Variants in TENM2 observed in about 807,000 individuals in gnomAD.
The protein encoded by TENM2 is teneurin-2.
In TENM2, 52 loss-of-function variants were observed where a neutral mutation model predicts 245.2. The observed-to-expected ratio is 0.21, with a 90% CI of 0.17 to 0.27. TENM2 has a LOEUF of 0.27. TENM2 is among the 10% of genes least tolerant of loss of function. The pLI is 1.00. For missense variants in TENM2, 3,046 were observed against 3,666.8 expected (o/e 0.83, Z 4.37); for synonymous variants, 1,363 against 1,438.9 (o/e 0.95, Z 1.19).
the TENM2 span, among the ~76,000 whole-genome samples, chr5:167,179,583 C>A: frequency 1.3e-5 from 2 of 152,070 alleles, no homozygotes. Flanking sequence ...GAGCCCCACC[C>A]CCGCAACCCC....
chr5:168,179,675 G>A (rs66482664), intron 13 of TENM2, among the ~76,000 whole-genome samples: 14,439 of 152,138 alleles, frequency 0.095, 1,083 homozygotes, highest in African/African-American at 0.21. Context: ...GTAGGATTTC[G>A]TTCCAGAGTG....
chr5:167,665,055 G>A (rs1006555477), intron 2 of TENM2, among the ~76,000 whole-genome samples: 3 of 152,160 alleles, frequency 2.0e-5, no homozygotes, highest in African/African-American at 7.2e-5. Flanking sequence ...GAATACAGTA[G>A]AGTGATACTG....
At chr5:167,315,621 GGAT>G (rs1367703310) in intron 1 of TENM2, among the ~76,000 whole-genome samples, 5 of 152,028 alleles carry the variant, frequency 3.3e-5, no homozygotes, top group Non-Finnish European at 7.4e-5. Context: ...GGTATAGTGA[GGAT>G]GATTTTTTTC....
the TENM2 span, among the ~76,000 whole-genome samples, chr5:167,097,588 C>T: frequency 6.6e-6 from 1 of 152,082 alleles, no homozygotes; most frequent in African/African-American, 2.4e-5. Flanking sequence ...TAATTAAAAT[C>T]GGATGTTTGT....
chr5:167,467,585 C>T (rs1766748132), intron 2 of TENM2, among the ~76,000 whole-genome samples: 1 of 150,636 alleles, frequency 6.6e-6, no homozygotes, highest in Non-Finnish European at 1.5e-5. Context: ...TTAAATTATC[C>T]CACATAGAAG....
chr5:167,996,185 C>G (rs1216070098), intron 5 of TENM2, among the ~76,000 whole-genome samples: 2 of 152,090 alleles, frequency 1.3e-5, no homozygotes, highest in African/African-American at 4.8e-5. Flanking sequence ...TTCCATAGAT[C>G]CAGGCCCGTG....
At chr5:167,405,025 A>G (rs1762555380) in intron 2 of TENM2, among the ~76,000 whole-genome samples, 1 of 152,158 alleles carries the variant, frequency 6.6e-6, no homozygotes, top group Admixed American at 6.6e-5. Flanking sequence ...TCATGTCAAT[A>G]GAATCATGCA....
At chr5:167,982,026 A>G (rs888811356) in intron 4 of TENM2, among the ~76,000 whole-genome samples, 1 of 151,538 alleles carries the variant, frequency 6.6e-6, no homozygotes, top group East Asian at 1.9e-4. Context: ...TCCAGATCCC[A>G]TGCCTTCAAG....
chr5:168,148,876 TAGA>T (rs1562217431), intron 12 of TENM2, among the ~76,000 whole-genome samples: 26 of 106,234 alleles, frequency 2.4e-4, no homozygotes, highest in Non-Finnish European at 4.7e-4. Context: ...ATATATATGA[TAGA>T]TAGATAGATA....
At chr5:167,354,796 C>G (rs1466835707) in intron 1 of TENM2, among the ~76,000 whole-genome samples, 1 of 152,154 alleles carries the variant, frequency 6.6e-6, no homozygotes, top group African/African-American at 2.4e-5. Flanking sequence ...TGACACATAA[C>G]ACACGATCAA....
intron 8 of TENM2, among the ~76,000 whole-genome samples, chr5:168,095,488 A>G (rs1793289595): frequency 6.6e-6 from 1 of 152,160 alleles, no homozygotes; most frequent in South Asian, 2.1e-4. Flanking sequence ...CCCTCCCTGA[A>G]CATTCTCTTT....
intron 2 of TENM2, among the ~76,000 whole-genome samples, chr5:167,655,621 A>G (rs1754789123): frequency 6.6e-6 from 1 of 152,236 alleles, no homozygotes; most frequent in South Asian, 2.1e-4. Context: ...ACATTTGTTC[A>G]AATTTGGGAA....
At chr5:167,726,616 A>C (rs1321957659) in intron 2 of TENM2, among the ~76,000 whole-genome samples, 1 of 151,738 alleles carries the variant, frequency 6.6e-6, no homozygotes, top group African/African-American at 2.4e-5. Flanking sequence ...GCACCACCAC[A>C]CCTAGCTAAC....
At chr5:168,082,608 G>A (rs1360021681) in intron 7 of TENM2, among the ~76,000 whole-genome samples, 1 of 152,124 alleles carries the variant, frequency 6.6e-6, no homozygotes, top group Non-Finnish European at 1.5e-5. Context: ...ATGGGGTTTT[G>A]GTGTGGATGT....
intron 13 of TENM2, among the ~76,000 whole-genome samples, chr5:168,164,926 A>G (rs1005814300): frequency 1.3e-5 from 2 of 152,212 alleles, no homozygotes; most frequent in African/African-American, 2.4e-5. Context: ...CATGGCCCCA[A>G]CAGGTCCTTT....
At chr5:167,395,571 T>C (rs1762005822) in intron 2 of TENM2, among the ~76,000 whole-genome samples, 1 of 152,196 alleles carries the variant, frequency 6.6e-6, no homozygotes, top group African/African-American at 2.4e-5. Context: ...ATCCTTGTCG[T>C]GTCCTTGATC....
chr5:167,920,108 A>C (rs2151630321), intron 3 of TENM2, among the ~76,000 whole-genome samples: 1 of 152,242 alleles, frequency 6.6e-6, no homozygotes, highest in South Asian at 2.1e-4. Flanking sequence ...TCAGACTAAA[A>C]ATGCAAAACT....
chr5:168,256,099 TG>T (rs1413541078), intron 27 of TENM2, among the ~76,000 whole-genome samples: 1 of 151,972 alleles, frequency 6.6e-6, no homozygotes, highest in Non-Finnish European at 1.5e-5. Flanking sequence ...CCACCGCGCC[TG>T]GCTAGAATTT....
chr5:167,262,685 T>A, the TENM2 span, among the ~76,000 whole-genome samples: 6 of 152,114 alleles, frequency 3.9e-5, no homozygotes, highest in Admixed American at 3.9e-4. Flanking sequence ...CCTGGGAAGA[T>A]ATTCCTGGAA....
Sources: allele counts gnomAD v4.1 joint callset (sites outside exome capture counted in the v4.1 genomes callset), GRCh38; gene constraint gnomAD v4.1.1; transcripts MANE v1.5; gene names NCBI Gene and HGNC (gene_info 2026-07-23, HGNC 2026-07-21).